MGAT4C: variants seen among roughly 807,000 people sequenced by gnomAD.
The protein encoded by MGAT4C is MGAT4 family member C, also known as alpha-1,3-mannosyl-glycoprotein 4-beta-N-acetylglucosaminyltransferase C.
Under a neutral mutation model 40.1 loss-of-function variants are expected in MGAT4C, and 19 were observed. That is an observed-to-expected ratio of 0.47 (90% CI 0.33 to 0.70). The LOEUF is 0.70. Ranked by LOEUF, MGAT4C falls within the 30% of genes least tolerant of loss-of-function variation. MGAT4C has a pLI of 0.02. For synonymous variants in MGAT4C, 181 were observed against 187.1 expected, an observed-to-expected ratio of 0.97 and a Z score of 0.27; for missense variants, 491 against 563.2, an observed-to-expected ratio of 0.87 and a Z score of 1.30.
intron 1 of MGAT4C, among the ~76,000 whole-genome samples, chr12:86,826,000 T>C (rs1419667059): frequency 1.3e-5 from 2 of 151,394 alleles, no homozygotes; most frequent in African/African-American, 2.4e-5. Context: ...TTCAGATCAA[T>C]TGGGGTGACA....
chr12:86,096,107 CTGGCAAAAAGAAAT>C (rs1193281643), intron 1 of MGAT4C, among the ~76,000 whole-genome samples: 1 of 151,644 alleles, frequency 6.6e-6, no homozygotes, highest in African/African-American at 2.4e-5. Flanking sequence ...TCCATTGTTT[CTGGCAAAAAGAAAT>C]GTTTGCTGTC....
intron 1 of MGAT4C, among the ~76,000 whole-genome samples, chr12:86,784,268 G>C (rs545397012): frequency 1.3e-5 from 2 of 152,112 alleles, no homozygotes; most frequent in African/African-American, 2.4e-5. Context: ...GAGATATGGA[G>C]TGATGCATGA....
chr12:86,153,462 AC>A (rs769346947), intron 1 of MGAT4C, among the ~76,000 whole-genome samples: 31 of 152,298 alleles, frequency 2.0e-4, no homozygotes, highest in Non-Finnish European at 7.4e-5. Context: ...AGTTACGAAA[AC>A]AGTTACCTCT....
At position 86,585,015 on chromosome 12, in the gene MGAT4C, G is replaced by T. The variant is rs189206828; in HGVS notation, c.-229+142194C>A. 2.0e-5 allele frequency among the ~76,000 whole-genome samples: 3 copies of T among 151,426 alleles called. No individual in the cohort carries two copies. The East Asian group carries it at 5.8e-4, about 29-fold the overall frequency. On this transcript the variant is annotated intron_variant, in intron 2 of 7. Transcript: ENST00000548651. ...ATTAGTGAAAATTTTTGTTCTACAT[G>T]AATGACATTAGAGTATGGTTCAACC...
intron 2 of MGAT4C, among the ~76,000 whole-genome samples, chr12:86,470,033 C>T (rs558241501): frequency 1.3e-4 from 20 of 152,142 alleles, no homozygotes; most frequent in African/African-American, 4.8e-4. Flanking sequence ...TAGTATTCCG[C>T]TGTATGTATA....
At chr12:86,125,164 G>A (rs1477113005) in intron 1 of MGAT4C, among the ~76,000 whole-genome samples, 3 of 152,122 alleles carry the variant, frequency 2.0e-5, no homozygotes, top group Non-Finnish European at 4.4e-5. Context: ...ATAGAGAAGA[G>A]TTGTGGAAGC....
At chr12:86,662,941 CAT>C (rs912786243) in intron 2 of MGAT4C, among the ~76,000 whole-genome samples, 31 of 152,228 alleles carry the variant, frequency 2.0e-4, no homozygotes, top group African/African-American at 7.2e-4. Flanking sequence ...TAATAAAATA[CAT>C]ATTTGTTAAT....
At chr12:86,807,971 T>G (rs4468416) in intron 1 of MGAT4C, among the ~76,000 whole-genome samples, 151,508 of 151,624 alleles carry the variant, frequency 1, 75,696 homozygotes, top group Middle Eastern at 1. Context: ...TTTTTAATGG[T>G]TTTTTTTTCT....
intron 1 of MGAT4C, among the ~76,000 whole-genome samples, chr12:86,223,257 G>A (rs910735778): frequency 4.6e-5 from 7 of 152,126 alleles, no homozygotes; most frequent in African/African-American, 1.7e-4. Flanking sequence ...GCTACCTGCC[G>A]GTGCTGCTCC....
chr12:86,669,173 G>T (rs1964189783), intron 2 of MGAT4C, among the ~76,000 whole-genome samples: 1 of 152,072 alleles, frequency 6.6e-6, no homozygotes, highest in South Asian at 2.1e-4. Flanking sequence ...AACCACTTGA[G>T]TTGCCCCACC....
intron 2 of MGAT4C, among the ~76,000 whole-genome samples, chr12:86,641,191 A>G (rs952996788): frequency 1.3e-4 from 18 of 142,686 alleles, no homozygotes; most frequent in African/African-American, 4.8e-4. Context: ...ATGCAGCCAT[A>G]AAAAATGATG....
At chr12:86,398,003 G>A (rs575391485) in intron 3 of MGAT4C, among the ~76,000 whole-genome samples, 3 of 152,240 alleles carry the variant, frequency 2.0e-5, no homozygotes, top group African/African-American at 4.8e-5. Flanking sequence ...TTTAGCATCA[G>A]AATATTTGGA....
intron 1 of MGAT4C, among the ~76,000 whole-genome samples, chr12:86,171,780 C>A (rs1886878490): frequency 6.6e-6 from 1 of 152,170 alleles, no homozygotes; most frequent in African/African-American, 2.4e-5. Flanking sequence ...ACCCCAGTCA[C>A]ATCATACTTC....
At chr12:86,698,593 AT>A (rs1328678800) in intron 2 of MGAT4C, among the ~76,000 whole-genome samples, 3 of 152,104 alleles carry the variant, frequency 2.0e-5, no homozygotes, top group Non-Finnish European at 2.9e-5. Context: ...GACTTTAAAT[AT>A]GCTTTTTGGA....
At chr12:86,105,889 A>G (rs1426773533) in intron 1 of MGAT4C, among the ~76,000 whole-genome samples, 3 of 152,188 alleles carry the variant, frequency 2.0e-5, no homozygotes, top group African/African-American at 4.8e-5. Context: ...CTTTACAAAT[A>G]TCTTCTATCA....
At position 86,526,754 on chromosome 12, in the gene MGAT4C, C is replaced by T. The variant is rs1164669793; in HGVS notation, c.-228-91489G>A. ...GAGGGCCATCGCTGGCCATGCACCACTACAGATGTTCACACACCAAACCGT... is the reference window on the plus strand; with the variant it reads ...GAGGGCCATCGCTGGCCATGCACCATTACAGATGTTCACACACCAAACCGT... On this transcript the variant is annotated intron_variant, in intron 2 of 7. Transcript: ENST00000548651. 1.7e-4 allele frequency among the ~76,000 whole-genome samples: 26 copies of T among 152,216 alleles called. 1 individual carries two copies. The highest frequency in any genetic ancestry group is 1.5e-3 in the Admixed American group (23 of 15,280).
chr12:86,704,445 T>A (rs1390868440), intron 2 of MGAT4C, among the ~76,000 whole-genome samples: 1 of 152,084 alleles, frequency 6.6e-6, no homozygotes, highest in Admixed American at 6.6e-5. Context: ...TATAATTAAC[T>A]TTCAAGTTAT....
intron 2 of MGAT4C, among the ~76,000 whole-genome samples, chr12:86,594,740 C>T (rs538905396): frequency 1.3e-5 from 2 of 152,286 alleles, no homozygotes; most frequent in South Asian, 4.1e-4. Context: ...CTCCAGCTAA[C>T]TATGTGACCT....
intron 2 of MGAT4C, among the ~76,000 whole-genome samples, chr12:86,543,344 T>C (rs1375679869): frequency 1.3e-5 from 2 of 151,600 alleles, no homozygotes; most frequent in Non-Finnish European, 1.5e-5. Flanking sequence ...ATTCCACATT[T>C]CTTTTTTTAA....
Sources: gnomAD v4.1 joint callset for allele counts (sites outside exome capture counted in the v4.1 genomes callset) on GRCh38, gnomAD v4.1.1 for gene constraint, MANE v1.5 for transcripts, NCBI Gene and HGNC (gene_info 2026-07-23, HGNC 2026-07-21) for gene names.